The following PHACTR2 variants were observed in gnomAD, a reference collection of about 807,000 sequenced individuals.
The protein encoded by PHACTR2 is phosphatase and actin regulator 2, also known as chromosome 6 open reading frame 56.
Under a neutral mutation model 76.0 loss-of-function variants are expected in PHACTR2, and 30 were observed. The ratio of observed to expected loss-of-function variants is 0.39; its 90% confidence interval spans 0.30 to 0.54. The LOEUF (loss-of-function observed/expected upper bound fraction) is 0.54, where lower values mean the gene tolerates loss of function less well. PHACTR2 is among the 20% of genes least tolerant of loss of function. The probability of loss-of-function intolerance (pLI) is 0.61; values close to 1 mark genes in which losing one functional copy is unlikely to be tolerated. For missense variants in PHACTR2, 696 were observed against 781.1 expected (o/e 0.89, Z 1.30); for synonymous variants, 292 against 292.5 (o/e 1.00, Z 0.02).
In PHACTR2 at chr6:143,820,805, T is replaced by C. The variant is rs1776402339; in HGVS notation, c.1923-2869T>C. ...TCCTCATTTCCCTTCCACACTGCCC[T>C]AGTAGAGGTTCTCTGTGGGGGCTGT... is the stretch of plus-strand genomic sequence containing the variant. On this transcript the variant is annotated intron_variant, in intron 12 of 12. Coordinates refer to ENST00000440869, the MANE Select transcript of PHACTR2 (RefSeq NM_001100164.2). The surrounding 1 kb of genome is among the most constrained non-coding windows in gnomAD (Gnocchi z 4.2). Among the ~76,000 whole-genome samples the C allele has an allele frequency of 6.6e-6, 1 of 152,234 alleles. No individual in the cohort carries two copies. Among genetic ancestry groups the C allele is most frequent in the Non-Finnish European group, 1.5e-5 (1 of 68,032 alleles).
rs1285986242 is a variant in PHACTR2, at chr6:143,571,587, A to G, written c.217+34380A>G. Among the ~76,000 whole-genome samples, 1 of 150,896 alleles carries G rather than the reference A, an allele frequency of 6.6e-6. No homozygotes were observed. Among genetic ancestry groups the G allele is most frequent in the Non-Finnish European group, 1.5e-5 (1 of 67,874 alleles). ...CCACACCTGGTTAATTTTTTTTAAA[A>G]TTTTTTTATAGAGATGAGGTCTTGC... On this transcript the variant is annotated intron_variant, in intron 1 of 11. Coordinates refer to the PHACTR2 transcript ENST00000367584. The surrounding 1 kb of genome is among the most constrained non-coding windows in gnomAD (Gnocchi z 4.6).
At chr6:143,705,701 G>A (rs952187028) in intron 1 of PHACTR2, among the ~76,000 whole-genome samples, 6 of 152,152 alleles carry the variant, frequency 3.9e-5, no homozygotes, top group Non-Finnish European at 8.8e-5. Flanking sequence ...TGTGGGTTTT[G>A]AAGTACCATT....
chr6:143,718,553 A>G (rs1279430144), intron 2 of PHACTR2, among the ~76,000 whole-genome samples: 1 of 152,224 alleles, frequency 6.6e-6, no homozygotes, highest in Non-Finnish European at 1.5e-5. Context: ...TGCCTCACAC[A>G]TTAGTTTTTG....
In PHACTR2 at chr6:143,618,515, G is replaced by T. The variant is rs929257476; in HGVS notation, c.13+10193G>T. On this transcript the variant is annotated intron_variant, in intron 1 of 11. Coordinates refer to the PHACTR2 transcript ENST00000305766. The surrounding 1 kb of genome is among the most constrained non-coding windows in gnomAD (Gnocchi z 5.2). ...ATGGTCATGAGCGTCACTTGAGAAG[G>T]TGTCAGTGTCAGAGGGTTTTAAACT... is the stretch of plus-strand genomic sequence containing the variant. Among the ~76,000 whole-genome samples, 2 of 151,938 alleles carry T rather than the reference G, an allele frequency of 1.3e-5. No homozygotes were observed. Among genetic ancestry groups the T allele is most frequent in the African/African-American group, 4.8e-5 (2 of 41,354 alleles).
chr6:143,806,974 G>C lies in PHACTR2; in HGVS notation c.1846-83G>C. ...TCTATCTCTTAAAAAAAAAAAAAAG[G>C]TCTGCTTCATTGATGCTGTATATAC... On this transcript the variant is annotated intron_variant, in intron 11 of 12. Transcript: ENST00000440869. This position sits in a 1 kb window ranked among gnomAD's most constrained non-coding sequence, Gnocchi z 5.8. 1.5e-6 allele frequency: 1 copy of C among 646,686 alleles called. No homozygotes were observed. Among genetic ancestry groups the C allele is most frequent in the South Asian group, 2.1e-5 (1 of 46,968 alleles). 40.1% of individuals were successfully genotyped at this position (646,686 alleles called of 1,614,324 possible).
At position 143,750,036 on chromosome 6, in the gene PHACTR2, C is replaced by T. The variant is rs760537974; in HGVS notation, c.295+971C>T. The stretch of plus-strand genomic sequence containing the variant: ...TATATGTTCCTTGCAAAGGACTTAA[C>T]ATTTTTTGGCATTCACTATTTGTAA... On this transcript the variant is annotated intron_variant, in intron 3 of 12. Coordinates refer to ENST00000440869, the MANE Select transcript of PHACTR2 (RefSeq NM_001100164.2). The surrounding 1 kb of genome is among the most constrained non-coding windows in gnomAD (Gnocchi z 4.6). 3.9e-5 allele frequency among the ~76,000 whole-genome samples: 6 copies of T among 152,104 alleles called. No homozygotes were observed.
intron 1 of PHACTR2, among the ~76,000 whole-genome samples, chr6:143,705,468 G>C (rs553551188): frequency 1.3e-5 from 2 of 151,952 alleles, no homozygotes; most frequent in Middle Eastern, 3.4e-3. Context: ...CCAATTTTTT[G>C]TATTTTTAGT....
chr6:143,724,876 G>A (rs7746363), intron 2 of PHACTR2, among the ~76,000 whole-genome samples: 14,241 of 152,230 alleles, frequency 0.094, 2,229 homozygotes, highest in African/African-American at 0.33. Context: ...ACTGGAAAAT[G>A]TATGTATTCA....
chr6:143,744,961 C>G (rs1489228825), intron 2 of PHACTR2, among the ~76,000 whole-genome samples: 1 of 152,150 alleles, frequency 6.6e-6, no homozygotes, highest in East Asian at 1.9e-4. Context: ...AAAAAAAGCT[C>G]TTATGCTTTT....
At chr6:143,668,843 T>G (rs1247966062) in intron 1 of PHACTR2, among the ~76,000 whole-genome samples, 1 of 152,234 alleles carries the variant, frequency 6.6e-6, no homozygotes, top group African/African-American at 2.4e-5. Context: ...ATTTATTTTT[T>G]GAAGGGTTTT....
At chr6:143,716,804 T>C (rs1383435557) in intron 2 of PHACTR2, among the ~76,000 whole-genome samples, 5 of 152,196 alleles carry the variant, frequency 3.3e-5, no homozygotes, top group African/African-American at 9.7e-5. Flanking sequence ...GGAGCTACTG[T>C]TGCTAGAAAT....
upstream of PHACTR2, among the ~76,000 whole-genome samples, chr6:143,673,168 C>G (rs1330442668): frequency 2.0e-5 from 3 of 152,106 alleles, no homozygotes; most frequent in Non-Finnish European, 4.4e-5. Flanking sequence ...CTAGAGGTAC[C>G]ACGCCCATGG....
chr6:143,624,605 G>A lies in PHACTR2; in HGVS notation c.13+16283G>A, dbSNP rs901829407. On this transcript the variant is annotated intron_variant, in intron 1 of 11. Transcript: ENST00000305766. This position sits in a 1 kb window ranked among gnomAD's most constrained non-coding sequence, Gnocchi z 4.6. ...TTGTGGGAAGCAGTTTATTTTCATG[G>A]TATGCGGCTTTTTTCACATGGCTAA... 5.9e-5 allele frequency among the ~76,000 whole-genome samples: 9 copies of A among 152,080 alleles called. No individual in the cohort carries two copies. Among genetic ancestry groups the A allele is most frequent in the African/African-American group, 2.2e-4 (9 of 41,416 alleles).
chr6:143,790,227 A>AATAAGGTT (rs1160456078), intron 11 of PHACTR2, among the ~76,000 whole-genome samples: 1 of 152,194 alleles, frequency 6.6e-6, no homozygotes, highest in Non-Finnish European at 1.5e-5. Flanking sequence ...TTGGGTGCGT[A>AATAAGGTT]AATTTGGAAA....
Position 143,619,903 on chromosome 6 carries a change from AC to A in PHACTR2, c.13+11582del, listed in dbSNP as rs1186455895. On this transcript the variant is annotated intron_variant, in intron 1 of 11. Coordinates refer to the PHACTR2 transcript ENST00000305766. The surrounding 1 kb of genome is among the most constrained non-coding windows in gnomAD (Gnocchi z 4.5). ...CCCTGTGTGAGATTCTATAGTCTTCACAGCGCCGATCATGCTTGCTTGTGGT... is the reference window on the plus strand; with the variant it reads ...CCCTGTGTGAGATTCTATAGTCTTCAAGCGCCGATCATGCTTGCTTGTGGT... Among the ~76,000 whole-genome samples, 1 of 152,164 alleles carries A rather than the reference AC, an allele frequency of 6.6e-6. No individual in the cohort carries two copies. The highest frequency in any genetic ancestry group is 2.4e-5 in the African/African-American group (1 of 41,432).
intron 2 of PHACTR2, among the ~76,000 whole-genome samples, chr6:143,748,477 A>G (rs1426074903): frequency 6.6e-6 from 1 of 152,240 alleles, no homozygotes; most frequent in Non-Finnish European, 1.5e-5. Flanking sequence ...AGAGTTATAG[A>G]AATATGATGT....
chr6:143,823,634 T>TC lies in PHACTR2; in HGVS notation c.1923-38dup. On this transcript the variant is annotated intron_variant, in intron 12 of 12. Transcript: ENST00000440869. The surrounding 1 kb of genome is among the most constrained non-coding windows in gnomAD (Gnocchi z 5.7). ...TCAGCTCACTGCATGCAGAATGTGC[T>TC]CCTAGGCCACAGGCTTATAGTTTCT... is the stretch of plus-strand genomic sequence containing the variant. 1 of 1,584,542 alleles carries TC rather than the reference T, an allele frequency of 6.3e-7. No homozygotes were observed. Among genetic ancestry groups the TC allele is most frequent in the Non-Finnish European group, 8.7e-7 (1 of 1,153,854 alleles).
chr6:143,719,115 T>C (rs1301816997), intron 2 of PHACTR2, among the ~76,000 whole-genome samples: 1 of 151,232 alleles, frequency 6.6e-6, no homozygotes. Context: ...ACTCCTGACC[T>C]CAGGTGATCC....
intron 1 of PHACTR2, among the ~76,000 whole-genome samples, chr6:143,693,221 T>TG (rs1407218128): frequency 7.1e-6 from 1 of 141,194 alleles, no homozygotes; most frequent in African/African-American, 2.5e-5. Flanking sequence ...CATAGTAGTG[T>TG]CCTTTTTTTG....
Sources: allele counts gnomAD v4.1 joint callset (sites outside exome capture counted in the v4.1 genomes callset), GRCh38; gene constraint gnomAD v4.1.1; non-coding constraint Gnocchi (gnomAD v3.1); transcripts MANE v1.5; gene names NCBI Gene and HGNC (gene_info 2026-07-23, HGNC 2026-07-21).